The following EZH2 variants were observed in gnomAD, a reference collection of about 807,000 sequenced individuals.
EZH2 encodes the protein histone-lysine N-methyltransferase EZH2.
In EZH2, 18 loss-of-function variants were observed where a neutral mutation model predicts 98.4. That is an observed-to-expected ratio of 0.18 (90% confidence interval 0.13 to 0.27). The LOEUF is 0.27. Among genes scored for constraint, EZH2 ranks in the 10% least tolerant of loss-of-function variants. EZH2 has a pLI of 1.00. For missense variants in EZH2, 470 were observed against 935.1 expected, an observed-to-expected ratio of 0.50 and a Z score of 6.49; for synonymous variants, 338 against 312.3, an observed-to-expected ratio of 1.08 and a Z score of -0.87.
chr7:148,866,865 T>G (rs906730793), intron 1 of EZH2, among the ~76,000 whole-genome samples: 5 of 149,440 alleles, frequency 3.3e-5, no homozygotes, highest in African/African-American at 1.2e-4. Flanking sequence ...CAGGTGCACA[T>G]CAACGCACCC....
chr7:148,832,481 C>A (rs1310201344), intron 4 of EZH2, among the ~76,000 whole-genome samples, 153 bp downstream of exon 4: 2 of 152,108 alleles, frequency 1.3e-5, no homozygotes, highest in African/African-American at 4.8e-5. Context: ...AAAAAAACTA[C>A]CTTAATCAAT....
At chr7:148,883,524 GC>G (rs1436598454) in intron 1 of EZH2, 1 of 150,998 alleles carries the variant, frequency 6.6e-6, no homozygotes, top group East Asian at 2.0e-4. Context: ...GAGCGCCGCG[GC>G]CCCAGCCCGG....
At chr7:148,825,982 G>C (rs1270684330) in intron 8 of EZH2, among the ~76,000 whole-genome samples, 1 of 151,966 alleles carries the variant, frequency 6.6e-6, no homozygotes, top group African/African-American at 2.4e-5. Context: ...CGTTTTACTT[G>C]TATTCAAATG....
intron 1 of EZH2, among the ~76,000 whole-genome samples, chr7:148,862,413 C>T (rs1286512457): frequency 6.6e-6 from 1 of 152,176 alleles, no homozygotes; most frequent in Admixed American, 6.5e-5. Context: ...GTCATGCTCA[C>T]AGTAACAGAC....
At position 148,870,672 on chromosome 7, in the gene EZH2, G is replaced by A. The variant is rs116853149; in HGVS notation, c.-8+13492C>T. Among the ~76,000 whole-genome samples, 202 of 150,702 alleles carry A rather than the reference G, an allele frequency of 1.3e-3. 5 individuals are homozygous for A. In the East Asian group the frequency reaches 0.036, roughly 27 times the overall value. Reference sequence around the variant, plus strand: ...AGCCATCATCGTGCCACTGCACCTAGGTGACAGAGTGGGACTCTGTCTCAA... The same window carrying A: ...AGCCATCATCGTGCCACTGCACCTAAGTGACAGAGTGGGACTCTGTCTCAA... On this transcript the variant is annotated intron_variant, in intron 1 of 19. Transcript: ENST00000320356.
chr7:148,882,602 T>C lies in EZH2; in HGVS notation c.-8+1562A>G, dbSNP rs550104972. On this transcript the variant is annotated intron_variant, in intron 1 of 19. Coordinates refer to ENST00000320356, the MANE Select transcript of EZH2 (RefSeq NM_004456.5). ...TACAGTATTCCTAAACATGAATTAG[T>C]TGCTAATGCTTATGAAGAGTAATAG... Among the ~76,000 whole-genome samples, 18 of 152,340 alleles carry C rather than the reference T, an allele frequency of 1.2e-4. 1 individual carries two copies. In the South Asian group the frequency reaches 3.5e-3, roughly 30 times the overall value.
chr7:148,870,521 G>T (rs1209911199), intron 1 of EZH2, among the ~76,000 whole-genome samples: 1 of 151,936 alleles, frequency 6.6e-6, no homozygotes, highest in African/African-American at 2.4e-5. Flanking sequence ...GGGCAACATG[G>T]CGAAACCCCA....
intron 8 of EZH2, among the ~76,000 whole-genome samples, chr7:148,821,261 G>A (rs1159715473): frequency 6.6e-6 from 1 of 152,106 alleles, no homozygotes; most frequent in Non-Finnish European, 1.5e-5. Flanking sequence ...ATGCAGTAAG[G>A]TAGCAGGGTA....
In EZH2 at chr7:148,811,625, C is replaced by T. The variant is rs760495918; in HGVS notation, c.1947G>A (p.Glu649=). Residue 649 remains glutamate (E), a splice_region_variant and synonymous_variant, in exon 16 of 20, where the codon GAG becomes GAA. Coordinates refer to ENST00000320356, the MANE Select transcript of EZH2 (RefSeq NM_004456.5). ...TGAATACAGGTTATCAGTGCCTTAC[C>T]TCTCCACAGTATTCTGAGATGAATT... is the stretch of plus-strand genomic sequence containing the variant. ...KNEFISEYCG[E]IISQDEADRR... 6.6e-5 allele frequency: 106 copies of T among 1,612,492 alleles called. No individual in the cohort carries two copies. Among genetic ancestry groups the T allele is most frequent in the Non-Finnish European group, 8.7e-5 (103 of 1,179,124 alleles).
chr7:148,824,040 C>T (rs901809530), intron 8 of EZH2, among the ~76,000 whole-genome samples: 2 of 152,112 alleles, frequency 1.3e-5, no homozygotes, highest in African/African-American at 2.4e-5. Context: ...ATCGACCAGG[C>T]GTGGTAGCTC....
chr7:148,873,343 C>G (rs1045188625), intron 1 of EZH2, among the ~76,000 whole-genome samples: 1 of 151,646 alleles, frequency 6.6e-6, no homozygotes, highest in Non-Finnish European at 1.5e-5. Flanking sequence ...AATACAAAAA[C>G]TAGCCGGGCG....
Position 148,831,452 on chromosome 7 carries a change from G to A in EZH2, c.363+1182C>T, listed in dbSNP as rs116788814. ...TCCACATCATCCTGCTCTCCAAAAC[G>A]TATCTTAGTTACAATAAAGATTGTG... On this transcript the variant is annotated intron_variant, in intron 4 of 19. Transcript: ENST00000320356. Among the ~76,000 whole-genome samples the A allele has an allele frequency of 9.3e-3, 1,412 of 152,212 alleles. 18 individuals carry two copies. Among genetic ancestry groups the A allele is most frequent in the African/African-American group, 0.032 (1,334 of 41,520 alleles).
At chr7:148,863,958 G>C (rs1818073676) in intron 1 of EZH2, among the ~76,000 whole-genome samples, 1 of 152,202 alleles carries the variant, frequency 6.6e-6, no homozygotes, top group South Asian at 2.1e-4. Context: ...AAAGCATAAT[G>C]AACAGCATTC....
intron 2 of EZH2, 138 bp downstream of exon 2, chr7:148,847,044 A>G: frequency 1.0e-6 from 1 of 994,918 alleles, no homozygotes. Flanking sequence ...TCAAGAACCT[A>G]AGCTTCCAAG....
At chr7:148,868,847 G>A (rs1022025553) in intron 1 of EZH2, among the ~76,000 whole-genome samples, 9 of 152,084 alleles carry the variant, frequency 5.9e-5, no homozygotes, top group Non-Finnish European at 1.2e-4. Context: ...GAAATTTGAA[G>A]AAATTTTCTT....
intron 3 of EZH2, among the ~76,000 whole-genome samples, chr7:148,845,629 A>G (rs1394804210): frequency 1.3e-5 from 2 of 152,250 alleles, no homozygotes; most frequent in Non-Finnish European, 2.9e-5. Flanking sequence ...ATAATGTTAT[A>G]TTAAAAATGG....
At chr7:148,816,808 A>T in intron 11 of EZH2, 30 bp from the exon 12 acceptor site, 1 of 1,546,266 alleles carries the variant, frequency 6.5e-7, no homozygotes. Flanking sequence ...CAGAGCCATG[A>T]GGACAGTCTT....
At chr7:148,853,432 C>G (rs767783876) in intron 1 of EZH2, among the ~76,000 whole-genome samples, 9 of 152,134 alleles carry the variant, frequency 5.9e-5, no homozygotes, top group East Asian at 3.9e-4. Flanking sequence ...AAAAAAGATT[C>G]TTTTAAGGAG....
At chr7:148,845,034 G>C (rs78627146) in intron 3 of EZH2, among the ~76,000 whole-genome samples, 3,675 of 152,154 alleles carry the variant, frequency 0.024, 62 homozygotes, top group Admixed American at 0.039. Context: ...ACCTAGCACA[G>C]TGACACAATT....
Sources: allele counts gnomAD v4.1 joint callset (sites outside exome capture counted in the v4.1 genomes callset), GRCh38; gene constraint gnomAD v4.1.1; transcripts MANE v1.5; gene names NCBI Gene and HGNC (gene_info 2026-07-23, HGNC 2026-07-21).